The following DMTF1 variants were observed in gnomAD, a reference collection of about 807,000 sequenced individuals.
DMTF1 encodes cyclin D binding myb like transcription factor 1.
A neutral mutation model predicts 91.1 loss-of-function variants in DMTF1; 39 were observed. The ratio of observed to expected loss-of-function variants is 0.43; its 90% CI spans 0.33 to 0.56. DMTF1 has a LOEUF of 0.56. Ranked by LOEUF, DMTF1 falls within the 20% of genes least tolerant of loss-of-function variation. The pLI, the probability that DMTF1 is intolerant of heterozygous loss-of-function variation, is 0.05. For missense variants in DMTF1, 750 were observed against 914.5 expected (o/e 0.82, Z 2.32); for synonymous variants, 338 against 309.5 (o/e 1.09, Z -0.97).
chr7:87,184,682 A>G, intron 11 of DMTF1, 57 bp downstream of exon 11: 1 of 1,476,372 alleles, frequency 6.8e-7, no homozygotes, highest in South Asian at 1.2e-5. Flanking sequence ...GGATGTCTTG[A>G]TAGACTTTCC....
At chr7:87,194,500 C>CTT in intron 16 of DMTF1, 184 bp from the exon 17 acceptor site, 1 of 531,824 alleles carries the variant, frequency 1.9e-6, no homozygotes, top group Non-Finnish European at 3.3e-6. Flanking sequence ...TTATGAGTTC[C>CTT]TTTTGTTAAA....
Position 87,193,689 on chromosome 7 carries a change from A to T in DMTF1, c.1651-36A>T, listed in dbSNP as rs1290766827. The T allele has an allele frequency of 3.2e-6, 5 of 1,542,596 alleles. No individual in the cohort carries two copies. The East Asian group carries it at 1.1e-4, about 35-fold the overall frequency. On this transcript the variant is annotated intron_variant, in intron 15 of 17. Transcript: ENST00000331242. ...GAGGTACCCCCATAAATGTCATTTG[A>T]TTTACAACTTTAACAGGTTCTTTAA...
chr7:87,178,473 A>G (rs1243123936), intron 7 of DMTF1, among the ~76,000 whole-genome samples: 4 of 151,982 alleles, frequency 2.6e-5, no homozygotes, highest in Non-Finnish European at 5.9e-5. Context: ...GAATTTTATG[A>G]ATGTTTTTCC....
chr7:87,166,693 C>T, intron 4 of DMTF1, 88 bp downstream of exon 4: 1 of 1,272,876 alleles, frequency 7.9e-7, no homozygotes. Flanking sequence ...TTCTAATAGA[C>T]TTGGACTTAC....
At chr7:87,173,306 G>A (rs953771182) in intron 5 of DMTF1, among the ~76,000 whole-genome samples, 43 of 152,196 alleles carry the variant, frequency 2.8e-4, no homozygotes, top group African/African-American at 1.0e-3. Flanking sequence ...GTCATATTGT[G>A]TTAATGCATA....
intron 3 of DMTF1, among the ~76,000 whole-genome samples, chr7:87,165,588 A>G (rs1384955031): frequency 6.6e-6 from 1 of 152,216 alleles, no homozygotes. Flanking sequence ...TTCATAGGTT[A>G]TTTAATTCAA....
intron 13 of DMTF1, among the ~76,000 whole-genome samples, chr7:87,189,197 T>G (rs1799187791): frequency 6.6e-6 from 1 of 152,176 alleles, no homozygotes; most frequent in Non-Finnish European, 1.5e-5. Context: ...AATATACCAT[T>G]ATGATTCCCT....
At chr7:87,156,453 C>T (rs1166832323) in intron 1 of DMTF1, among the ~76,000 whole-genome samples, 2 of 152,058 alleles carry the variant, frequency 1.3e-5, no homozygotes, top group African/African-American at 2.4e-5. Flanking sequence ...TAATTAGGTA[C>T]CTTAATTGAA....
chr7:87,173,051 CATT>C (rs1455765762), intron 5 of DMTF1, among the ~76,000 whole-genome samples: 4 of 152,190 alleles, frequency 2.6e-5, no homozygotes, highest in African/African-American at 9.7e-5. Context: ...TAAGAGATGA[CATT>C]ATTGATGATT....
Position 87,188,308 on chromosome 7 carries a change from G to C in DMTF1, c.1411+7G>C, listed in dbSNP as rs778263630. ...GTCCAGATCACCCATGTTTGTAAGTGTTTGATCTTCAAGATTCCTTGCTGT... is the reference window on the plus strand; with the variant it reads ...GTCCAGATCACCCATGTTTGTAAGTCTTTGATCTTCAAGATTCCTTGCTGT... On this transcript the variant is annotated splice_region_variant and intron_variant, in intron 13 of 17. Transcript: ENST00000331242. 1 of 1,613,546 alleles carries C rather than the reference G, an allele frequency of 6.2e-7. No homozygotes were observed. The highest frequency in any genetic ancestry group is 8.5e-7 in the Non-Finnish European group (1 of 1,179,630).
intron 11 of DMTF1, chr7:87,184,874 CTCTA>C: frequency 1.7e-6 from 1 of 598,134 alleles, no homozygotes; most frequent in Middle Eastern, 2.6e-4. Flanking sequence ...CTGAAGTCCT[CTCTA>C]TATCCACAGA....
intron 2 of DMTF1, among the ~76,000 whole-genome samples, chr7:87,164,601 A>G (rs1793368122): frequency 6.6e-6 from 1 of 152,248 alleles, no homozygotes; most frequent in African/African-American, 2.4e-5. Flanking sequence ...GCTGTCCATA[A>G]AAACACAGTA....
At position 87,163,519 on chromosome 7, in the gene DMTF1, G is replaced by T. The variant is rs1296985574; in HGVS notation, c.-107G>T. 3 of 152,266 alleles carry T rather than the reference G, an allele frequency of 2.0e-5. No individual in the cohort carries two copies. Among genetic ancestry groups the T allele is most frequent in the Non-Finnish European group, 4.4e-5 (3 of 68,084 alleles). 9.4% of individuals were successfully genotyped at this position (152,266 alleles called of 1,614,324 possible). ...GAGTGTTGCGGAGATAGGAACATGG[G>T]AGAGAAACAATCTGGGTAACATGAA... On this transcript the variant is annotated 5_prime_UTR_variant, in exon 2 of 18. Coordinates refer to ENST00000331242, the MANE Select transcript of DMTF1 (RefSeq NM_001142327.2).
At chr7:87,175,495 A>G (rs1385213469) in intron 7 of DMTF1, among the ~76,000 whole-genome samples, 1 of 152,204 alleles carries the variant, frequency 6.6e-6, no homozygotes, top group African/African-American at 2.4e-5. Flanking sequence ...TAAGGCATGG[A>G]TTGCTTTAAC....
chr7:87,152,611 G>A (rs1789411859), intron 1 of DMTF1, 56 bp downstream of exon 1: 1 of 152,834 alleles, frequency 6.5e-6, no homozygotes. Context: ...TCCGCCCAGT[G>A]GAGCCTGTCC....
intron 8 of DMTF1, 57 bp downstream of exon 8, chr7:87,179,759 A>C: frequency 6.8e-7 from 1 of 1,474,498 alleles, no homozygotes; most frequent in Non-Finnish European, 9.1e-7. Context: ...TATTTGAGGA[A>C]CTGTCCATTT....
chr7:87,181,981 C>A, intron 9 of DMTF1: 1 of 1,474,172 alleles, frequency 6.8e-7, no homozygotes, highest in Non-Finnish European at 9.0e-7. Flanking sequence ...CTTTTTTGAA[C>A]ACATATCCAA....
intron 1 of DMTF1, among the ~76,000 whole-genome samples, chr7:87,156,791 CGTTACTAA>C (rs1190087674): frequency 2.6e-5 from 4 of 152,118 alleles, no homozygotes; most frequent in Non-Finnish European, 5.9e-5. Flanking sequence ...ATTCCTTAGA[CGTTACTAA>C]GCAAATTCTC....
chr7:87,166,548 G>C lies in DMTF1; in HGVS notation c.175G>C (p.Glu59Gln), dbSNP rs1331872489. 1.2e-6 allele frequency: 2 copies of C among 1,613,068 alleles called. No individual in the cohort carries two copies. Among genetic ancestry groups the C allele is most frequent in the African/African-American group, 2.7e-5 (2 of 74,896 alleles). The change falls in exon 4 of 18, where the codon GAG (glutamate) becomes CAG (glutamine). Residue 59 changes from glutamate (E) to glutamine (Q), a missense_variant. Glu to Gln is a conservative substitution (Grantham distance 29, BLOSUM62 2). Around this residue, in one of 3 missense-constraint regions of DMTF1, gnomAD observed 150 missense variants for 150.4 expected, o/e 1.00. Coordinates refer to ENST00000331242, the MANE Select transcript of DMTF1 (RefSeq NM_001142327.2). Reference protein sequence around the residue: ...PPHKRLCLSSEDDQSIDDSTP... With the variant: ...PPHKRLCLSSQDDQSIDDSTP... ...ACATAAAAGGCTTTGTTTGTCCTCT[G>C]AGGATGATCAGAGTATTGATGATTC...
Sources: allele counts gnomAD v4.1 joint callset (sites outside exome capture counted in the v4.1 genomes callset), GRCh38; gene constraint gnomAD v4.1.1; regional missense constraint gnomAD v4.1.1; transcripts MANE v1.5; gene names NCBI Gene and HGNC (gene_info 2026-07-23, HGNC 2026-07-21).